CNTRL: variants seen among roughly 807,000 people sequenced by gnomAD.
CNTRL encodes 110 kDa centrosomal protein.
Under a neutral mutation model 303.7 loss-of-function variants are expected in CNTRL, and 233 were observed. That is an observed-to-expected ratio of 0.77 (90% CI 0.69 to 0.86). The LOEUF (loss-of-function observed/expected upper bound fraction) is 0.86, where lower values mean the gene tolerates loss of function less well. Ranked by LOEUF, CNTRL falls within the 40% of genes least tolerant of loss-of-function variation. The probability of loss-of-function intolerance (pLI) is 0.00; values close to 1 mark genes in which losing one functional copy is unlikely to be tolerated. For synonymous variants in CNTRL, 900 were observed against 922.2 expected (o/e 0.98, Z 0.44); for missense variants, 2,524 against 2,650.6 (o/e 0.95, Z 1.05).
chr9:121,161,587 G>A (rs1000712275), intron 32 of CNTRL: 2 of 399,880 alleles, frequency 5.0e-6, no homozygotes, highest in Non-Finnish European at 8.9e-6. Context: ...GGCTCAAGCA[G>A]TCCTTACACC....
intron 1 of CNTRL, among the ~76,000 whole-genome samples, chr9:121,078,835 G>A (rs537481704): frequency 4.6e-5 from 7 of 152,340 alleles, no homozygotes; most frequent in East Asian, 3.9e-4. Context: ...GATGCATAGC[G>A]TAAGGCAGGT....
Position 121,169,746 on chromosome 9 carries a change from C to A in CNTRL, c.6206C>A (p.Ala2069Asp). 6.2e-7 allele frequency: 1 copy of A among 1,614,168 alleles called. No individual in the cohort carries two copies. Among genetic ancestry groups the A allele is most frequent in the African/African-American group, 1.3e-5 (1 of 75,036 alleles). ...RNQFLTERKK[A>D]EKQVASLKEA... ...CAGTTCTTGACAGAAAGAAAGAAAG[C>A]TGAGAAGCAGGTGGCCAGCCTGAAG... The change falls in exon 39 of 44, where the codon GCT (alanine) becomes GAT (aspartate). Residue 2069 changes from alanine (A) to aspartate (D), a missense_variant. Physicochemically the swap from Ala to Asp is moderately radical, Grantham distance 126. Coordinates refer to ENST00000373855, the MANE Select transcript of CNTRL (RefSeq NM_007018.6).
At chr9:121,113,049 C>T (rs2049817723) in intron 9 of CNTRL, among the ~76,000 whole-genome samples, 1 of 151,974 alleles carries the variant, frequency 6.6e-6, no homozygotes, top group South Asian at 2.1e-4. Context: ...TGATTCCAAC[C>T]AATATCATAT....
intron 19 of CNTRL, 70 bp downstream of exon 19, chr9:121,142,340 C>A: frequency 7.3e-7 from 1 of 1,369,604 alleles, no homozygotes; most frequent in Non-Finnish European, 9.9e-7. Context: ...GCAACTAGGT[C>A]AGCTGAGATG....
At chr9:121,109,577 C>CTGTGTG (rs34866494) in intron 8 of CNTRL, among the ~76,000 whole-genome samples, 10 of 150,822 alleles carry the variant, frequency 6.6e-5, no homozygotes, top group South Asian at 2.1e-4. Flanking sequence ...CAGAGAAAAT[C>CTGTGTG]TGTGTGTGTG....
At chr9:121,140,245 A>G (rs1457845807) in intron 16 of CNTRL, among the ~76,000 whole-genome samples, 2 of 152,204 alleles carry the variant, frequency 1.3e-5, no homozygotes, top group Admixed American at 6.5e-5. Context: ...GCTGTACTGA[A>G]TCTTGCTTCA....
chr9:121,136,920 A>AAAT (rs2051230324), intron 15 of CNTRL, among the ~76,000 whole-genome samples: 1 of 152,280 alleles, frequency 6.6e-6, no homozygotes, highest in African/African-American at 2.4e-5. Context: ...ACCCTACAGA[A>AAAT]ATGATGTTTC....
rs148852553 is a variant in CNTRL, at chr9:121,082,805, A to G, written c.-32+2327A>G. On this transcript the variant is annotated intron_variant, in intron 2 of 43. Transcript: ENST00000373855. ...GCCAATATGGTGAAACCCCGTCTCT[A>G]CTAAAAATACCAAAATTAGCCAGGC... Among the ~76,000 whole-genome samples, 164 of 152,216 alleles carry G rather than the reference A, an allele frequency of 1.1e-3. 1 individual carries two copies. The East Asian group carries it at 0.026, about 24-fold the overall frequency.
chr9:121,163,324 A>AC (rs1282201077), intron 34 of CNTRL, among the ~76,000 whole-genome samples: 4 of 145,440 alleles, frequency 2.8e-5, no homozygotes, highest in African/African-American at 1.0e-4. Context: ...TGTTTCAAAA[A>AC]AAAAATATAT....
At chr9:121,098,634 T>C (rs1005980041) in intron 7 of CNTRL, 62 bp downstream of exon 7, 3 of 1,053,610 alleles carry the variant, frequency 2.8e-6, no homozygotes, top group Non-Finnish European at 4.1e-6. Context: ...TCAGAAGTTA[T>C]CTAGAAATAT....
chr9:121,157,798 T>A lies in CNTRL; in HGVS notation c.4555T>A (p.Leu1519Met). 3.7e-6 allele frequency: 6 copies of A among 1,614,162 alleles called. No individual in the cohort carries two copies. Among genetic ancestry groups the A allele is most frequent in the Non-Finnish European group, 5.1e-6 (6 of 1,180,024 alleles). Residue 1519 changes from leucine (L) to methionine (M), a missense_variant, in exon 29 of 44, where the codon TTG becomes ATG. By Grantham distance (15) the Leu-to-Met change is conservative (BLOSUM62 2). Transcript: ENST00000373855. ...EQHKIKQEEILKEINKIVAAK... is the reference protein window; with the variant it reads ...EQHKIKQEEIMKEINKIVAAK... ...GCACAAAATCAAGCAAGAAGAAATC[T>A]TGAAAGAAATAAACAAAATTGTAGC...
At chr9:121,140,368 G>A (rs1435671548) in intron 16 of CNTRL, among the ~76,000 whole-genome samples, 2 of 152,204 alleles carry the variant, frequency 1.3e-5, no homozygotes, top group African/African-American at 4.8e-5. Flanking sequence ...CTGCCTTGGG[G>A]CAATGGGCAT....
chr9:121,146,690 A>T (rs2051880901), intron 23 of CNTRL, among the ~76,000 whole-genome samples: 1 of 152,230 alleles, frequency 6.6e-6, no homozygotes, highest in African/African-American at 2.4e-5. Flanking sequence ...GCTCTCAAAG[A>T]GTTCATTGGC....
In CNTRL at chr9:121,170,016, G is replaced by C. The variant is rs1226377680; in HGVS notation, c.6276+200G>C. 5.9e-5 allele frequency among the ~76,000 whole-genome samples: 9 copies of C among 152,182 alleles called. No individual in the cohort carries two copies. In the East Asian group the frequency reaches 1.5e-3, roughly 26 times the overall value. ...CTGGGACGGGTGCAGCCTCAATGGA[G>C]CTCTGGCTGGCTGGGGAGACTGTTG... On this transcript the variant is annotated intron_variant, in intron 39 of 43. Transcript: ENST00000373855.
intron 15 of CNTRL, among the ~76,000 whole-genome samples, chr9:121,138,059 A>C (rs1229590243): frequency 6.6e-6 from 1 of 152,178 alleles, no homozygotes; most frequent in African/African-American, 2.4e-5. Flanking sequence ...GCATGAACTC[A>C]CTTGTGATGC....
At chr9:121,103,643 GCA>G (rs2049299636) in intron 7 of CNTRL, among the ~76,000 whole-genome samples, 1 of 152,062 alleles carries the variant, frequency 6.6e-6, no homozygotes, top group Admixed American at 6.6e-5. Context: ...TTTTTGCAAT[GCA>G]CCCATCTGAC....
At chr9:121,172,644 A>AAAAAC (rs199726076) in intron 40 of CNTRL, among the ~76,000 whole-genome samples, 4 of 152,166 alleles carry the variant, frequency 2.6e-5, no homozygotes, top group South Asian at 2.1e-4. Flanking sequence ...CTGTCTTTAA[A>AAAAAC]AAAACAAAAC....
At chr9:121,097,652 G>C (rs969492545) in intron 6 of CNTRL, among the ~76,000 whole-genome samples, 2 of 152,104 alleles carry the variant, frequency 1.3e-5, no homozygotes, top group Non-Finnish European at 2.9e-5. Context: ...TGATGCTATG[G>C]GATGATGGGA....
Position 121,154,816 on chromosome 9 carries a change from G to A in CNTRL, c.4268G>A (p.Cys1423Tyr), listed in dbSNP as rs558436752. 2.5e-6 allele frequency: 4 copies of A among 1,613,518 alleles called. No individual in the cohort carries two copies. Among genetic ancestry groups the A allele is most frequent in the South Asian group, 2.2e-5 (2 of 91,064 alleles). The change falls in exon 27 of 44, where the codon TGC becomes TAC. Residue 1423 changes from cysteine (C) to tyrosine (Y), a missense_variant. Cys to Tyr is a radical substitution (Grantham distance 194, BLOSUM62 -2). Transcript: ENST00000373855. ...HHEDIVDEIECIEKTLLKRRS... is the reference protein window; with the variant it reads ...HHEDIVDEIEYIEKTLLKRRS... ...GAAGATATTGTAGATGAAATTGAGT[G>A]CATTGAGAAGACTCTTCTGAAACGT...
Sources: gnomAD v4.1 joint callset for allele counts (sites outside exome capture counted in the v4.1 genomes callset) on GRCh38, gnomAD v4.1.1 for gene constraint, MANE v1.5 for transcripts, NCBI Gene and HGNC (gene_info 2026-07-23, HGNC 2026-07-21) for gene names.